RBFOX3: variants seen among roughly 807,000 people sequenced by gnomAD.
RBFOX3 encodes the protein RNA binding protein fox-1 homolog 3.
Under a neutral mutation model 48.7 loss-of-function variants are expected in RBFOX3, and 17 were observed. The observed-to-expected ratio is 0.35, with a 90% CI of 0.24 to 0.52. RBFOX3 has a LOEUF of 0.52. RBFOX3 is among the 20% of genes least tolerant of loss of function. The pLI, the probability that RBFOX3 is intolerant of heterozygous loss-of-function variation, is 0.94. For missense variants in RBFOX3, 382 were observed against 497.5 expected (o/e 0.77, Z 2.21); for synonymous variants, 212 against 209.5 (o/e 1.01, Z -0.10).
rs892486774 is a variant in RBFOX3, at chr17:79,568,764, G to A, written c.-320+42062C>T. Among the ~76,000 whole-genome samples, 16 of 152,106 alleles carry A rather than the reference G, an allele frequency of 1.1e-4. No individual in the cohort carries two copies. The East Asian group carries it at 1.5e-3, about 15-fold the overall frequency. ...TCCGCCCCCATTTAAAAAATCCTTC[G>A]CTCTGAAGGCGACTGGTTGGCCCAT... On this transcript the variant is annotated intron_variant, in intron 1 of 14. Transcript: ENST00000693108.
chr17:79,537,599 T>C lies in RBFOX3; in HGVS notation c.-319-55001A>G, dbSNP rs140684101. Among the ~76,000 whole-genome samples, 383 of 152,290 alleles carry C rather than the reference T, an allele frequency of 2.5e-3. 1 individual carries two copies. Among genetic ancestry groups the C allele is most frequent in the Middle Eastern group, 0.014 (4 of 294 alleles). On this transcript the variant is annotated intron_variant, in intron 1 of 14. Transcript: ENST00000693108. ...TTGGACTAGCCAAATTCTCTTTCCCTAGAACCCCCGCCCACAGGTCCTGTT... is the reference window on the plus strand; with the variant it reads ...TTGGACTAGCCAAATTCTCTTTCCCCAGAACCCCCGCCCACAGGTCCTGTT...
Position 79,608,006 on chromosome 17 carries a change from T to G in RBFOX3, c.-320+2820A>C, listed in dbSNP as rs942585192. On this transcript the variant is annotated intron_variant, in intron 1 of 14. Coordinates refer to ENST00000693108, the MANE Select transcript of RBFOX3 (RefSeq NM_001350451.2). Reference sequence around the variant, plus strand: ...GCAGGCCCTGGGCTTTTCTGGCTCTTGAATGAGCCTCGGGAGCCCTCCCCA... The same window carrying G: ...GCAGGCCCTGGGCTTTTCTGGCTCTGGAATGAGCCTCGGGAGCCCTCCCCA... Among the ~76,000 whole-genome samples the G allele has an allele frequency of 4.6e-5, 7 of 152,312 alleles. No homozygotes were observed. In the East Asian group the frequency reaches 1.4e-3, roughly 29 times the overall value.
chr17:79,456,463 T>C (rs1555745015), intron 2 of RBFOX3, among the ~76,000 whole-genome samples: 1 of 151,952 alleles, frequency 6.6e-6, no homozygotes, highest in African/African-American at 2.4e-5. Flanking sequence ...GACATTGCCA[T>C]GCATCCCCTG....
chr17:79,106,813 G>A, intron 5 of RBFOX3, 25 bp from the exon 6 acceptor site: 5 of 1,492,202 alleles, frequency 3.4e-6, no homozygotes, highest in Non-Finnish European at 4.4e-6. Context: ...CTGGGCTGTG[G>A]AGGCTGCCTC....
chr17:79,500,717 A>G (rs1164792152), intron 1 of RBFOX3, among the ~76,000 whole-genome samples: 1 of 152,160 alleles, frequency 6.6e-6, no homozygotes, highest in Non-Finnish European at 1.5e-5. Flanking sequence ...ACAAACCAGA[A>G]AAGGAAAGAC....
chr17:79,509,959 A>G (rs1247271622), intron 1 of RBFOX3, among the ~76,000 whole-genome samples: 1 of 152,212 alleles, frequency 6.6e-6, no homozygotes, highest in Non-Finnish European at 1.5e-5. Flanking sequence ...GGCACAACCA[A>G]ATATTTTCTA....
Position 79,418,553 on chromosome 17 carries a change from G to A in RBFOX3, c.-175+63901C>T, listed in dbSNP as rs2065754724. ...CATAGATGCCCAGACATGTGAAGGT[G>A]GTCAGTCGTGGGGCCAAGTCTCAGG... is the stretch of plus-strand genomic sequence containing the variant. On this transcript the variant is annotated intron_variant, in intron 2 of 14. Transcript: ENST00000693108. The surrounding 1 kb of genome is among the most constrained non-coding windows in gnomAD (Gnocchi z 5.0). 6.6e-6 allele frequency among the ~76,000 whole-genome samples: 1 copy of A among 152,224 alleles called. No homozygotes were observed. The highest frequency in any genetic ancestry group is 2.1e-4 in the South Asian group (1 of 4,826).
At chr17:79,097,788 C>T (rs1315151463) in intron 9 of RBFOX3, 43 bp from the exon 10 acceptor site, 1 of 1,542,380 alleles carries the variant, frequency 6.5e-7, no homozygotes, top group Non-Finnish European at 8.8e-7. Flanking sequence ...CTTCCCCGAC[C>T]CTTTTCCCAC....
chr17:79,405,831 A>G (rs1200307839), intron 2 of RBFOX3, among the ~76,000 whole-genome samples: 2 of 152,178 alleles, frequency 1.3e-5, no homozygotes, highest in Non-Finnish European at 2.9e-5. Flanking sequence ...AAGTCCCCTC[A>G]TGCCCCTCCC....
chr17:79,556,917 G>A (rs925293274), intron 1 of RBFOX3, among the ~76,000 whole-genome samples: 69 of 152,190 alleles, frequency 4.5e-4, no homozygotes, highest in East Asian at 7.8e-4. Context: ...GGCTTTCCAC[G>A]TCTGTCTCCA....
chr17:79,161,522 G>T (rs764940848), intron 4 of RBFOX3, among the ~76,000 whole-genome samples: 7 of 152,206 alleles, frequency 4.6e-5, no homozygotes, highest in Non-Finnish European at 8.8e-5. Context: ...AGGCCCGGAA[G>T]CTGGCCTGCC....
At chr17:79,344,866 T>C (rs2082647499) in intron 2 of RBFOX3, among the ~76,000 whole-genome samples, 1 of 152,152 alleles carries the variant, frequency 6.6e-6, no homozygotes, top group East Asian at 1.9e-4. Flanking sequence ...ATCTGTTTGC[T>C]TTTCAACCCA....
chr17:79,149,842 G>T (rs1158102509), intron 4 of RBFOX3, among the ~76,000 whole-genome samples: 1 of 150,948 alleles, frequency 6.6e-6, no homozygotes, highest in African/African-American at 2.4e-5. Context: ...AGGGTGAGGG[G>T]ACAGAGATGG....
At chr17:79,230,918 T>C (rs1319694400) in intron 4 of RBFOX3, among the ~76,000 whole-genome samples, 1 of 151,556 alleles carries the variant, frequency 6.6e-6, no homozygotes, top group Admixed American at 6.6e-5. Flanking sequence ...GATGGAGAAA[T>C]GGGGACTGAT....
At chr17:79,436,344 TG>T (rs781957454) in intron 2 of RBFOX3, among the ~76,000 whole-genome samples, 1 of 152,238 alleles carries the variant, frequency 6.6e-6, no homozygotes, top group Non-Finnish European at 1.5e-5. Context: ...TGCACATACT[TG>T]GGTGCAGCTG....
the RBFOX3 span, among the ~76,000 whole-genome samples, chr17:79,639,737 C>G: frequency 2.0e-5 from 3 of 152,104 alleles, no homozygotes; most frequent in Non-Finnish European, 2.9e-5. Context: ...AAGGGAAAAT[C>G]TATATAATCA....
intron 2 of RBFOX3, among the ~76,000 whole-genome samples, chr17:79,469,415 G>T (rs1207589524): frequency 6.6e-6 from 1 of 152,198 alleles, no homozygotes; most frequent in South Asian, 2.1e-4. Context: ...ACAGGGATGT[G>T]TGTGGAGAGG....
At chr17:79,323,850 G>A (rs1349878157) in intron 2 of RBFOX3, among the ~76,000 whole-genome samples, 1 of 152,240 alleles carries the variant, frequency 6.6e-6, no homozygotes, top group Non-Finnish European at 1.5e-5. Context: ...TTGGCGAATG[G>A]AGACCAATTG....
chr17:79,519,552 G>A (rs1450012299), intron 1 of RBFOX3, among the ~76,000 whole-genome samples: 1 of 151,402 alleles, frequency 6.6e-6, no homozygotes, highest in East Asian at 2.0e-4. Context: ...TCCTGTCCAT[G>A]CTGTCAGGAT....
Sources: allele counts gnomAD v4.1 joint callset (sites outside exome capture counted in the v4.1 genomes callset), GRCh38; gene constraint gnomAD v4.1.1; non-coding constraint Gnocchi (gnomAD v3.1); transcripts MANE v1.5; gene names NCBI Gene and HGNC (gene_info 2026-07-23, HGNC 2026-07-21).